The following BCL2L14 variants were observed in gnomAD, a reference collection of about 807,000 sequenced individuals.
BCL2L14 encodes the protein apoptosis facilitator Bcl-2-like protein 14.
A neutral mutation model predicts 35.3 loss-of-function variants in BCL2L14; 27 were observed. The observed-to-expected ratio is 0.76, with a 90% CI of 0.56 to 1.05. BCL2L14 has a LOEUF of 1.05. Among genes scored for constraint, BCL2L14 ranks in the 50% least tolerant of loss-of-function variants. The pLI, the probability that BCL2L14 is intolerant of heterozygous loss-of-function variation, is 0.00. For missense variants in BCL2L14, 377 were observed against 382.6 expected (o/e 0.99, Z 0.12); for synonymous variants, 139 against 145.9 (o/e 0.95, Z 0.34).
At chr12:12,067,232 T>A (rs1948604962), upstream of BCL2L14, among the ~76,000 whole-genome samples, 2 of 152,166 alleles carry the variant, frequency 1.3e-5, no homozygotes, top group South Asian at 4.2e-4. Flanking sequence ...CACTAAAAAA[T>A]TTTATTTACA....
chr12:12,079,871 T>C (rs1948872731), intron 2 of BCL2L14, 133 bp downstream of exon 2: 5 of 920,624 alleles, frequency 5.4e-6, no homozygotes, highest in Admixed American at 2.6e-5. Context: ...TTCCAACTTA[T>C]TAGTGTTCAA....
At chr12:12,075,775 C>A (rs572131524) in intron 1 of BCL2L14, among the ~76,000 whole-genome samples, 6 of 151,898 alleles carry the variant, frequency 4.0e-5, no homozygotes, top group Non-Finnish European at 8.8e-5. Context: ...CTGTCTTCAC[C>A]TTTTTTTGGC....
upstream of BCL2L14, among the ~76,000 whole-genome samples, chr12:12,067,411 C>T (rs753435014): frequency 1.6e-4 from 24 of 151,950 alleles, no homozygotes; most frequent in Admixed American, 7.2e-4. Flanking sequence ...ATGAGCCAGG[C>T]GTGGTGGCAC....
chr12:12,051,143 A>G (rs764318224), intron 1 of BCL2L14, among the ~76,000 whole-genome samples: 1 of 152,204 alleles, frequency 6.6e-6, no homozygotes, highest in Non-Finnish European at 1.5e-5. Flanking sequence ...AGCAGGGTGT[A>G]TAAGAGTGAG....
At chr12:12,061,685 C>T (rs911627314) in intron 2 of BCL2L14, among the ~76,000 whole-genome samples, 6 of 152,148 alleles carry the variant, frequency 3.9e-5, no homozygotes, top group African/African-American at 9.7e-5. Context: ...AGCCTCTCTT[C>T]GCTGTCACCT....
chr12:12,060,085 G>A lies in BCL2L14; in HGVS notation c.-272+8238G>A, dbSNP rs553915106. On this transcript the variant is annotated intron_variant, in intron 2 of 3. Transcript: ENST00000461264. ...GACCCATCTGACCTCTCTCCTCCTC[G>A]CCAGGCCGAGCTAGGTCGCAATTCT... Among the ~76,000 whole-genome samples the A allele has an allele frequency of 6.6e-5, 10 of 150,434 alleles. No homozygotes were observed. In the South Asian group the frequency reaches 8.5e-4, roughly 13 times the overall value.
chr12:12,085,873 G>A (rs887553997), intron 2 of BCL2L14, among the ~76,000 whole-genome samples: 1 of 152,138 alleles, frequency 6.6e-6, no homozygotes, highest in Non-Finnish European at 1.5e-5. Flanking sequence ...CTAGGAGTTT[G>A]AGCACACCAA....
rs967019469 is a variant in BCL2L14 at position 12,071,028 on chromosome 12, A to G, written c.-117A>G. 1 of 152,138 alleles carries G rather than the reference A, an allele frequency of 6.6e-6. No homozygotes were observed. Among genetic ancestry groups the G allele is most frequent in the Non-Finnish European group, 1.5e-5 (1 of 68,024 alleles). The allele number at this position is 152,138 out of a possible 1,614,324, so 9.4% of individuals were successfully genotyped here. Reference sequence around the variant, plus strand: ...TCTTTCCAAACGACAAGCCAAGAAGACCTGTTGAAAGTTTCCTCTTAAGTT... The same window carrying G: ...TCTTTCCAAACGACAAGCCAAGAAGGCCTGTTGAAAGTTTCCTCTTAAGTT... On this transcript the variant is annotated 5_prime_UTR_variant, in exon 1 of 6. Transcript: ENST00000308721.
chr12:12,059,930 T>C (rs971135864), intron 2 of BCL2L14, among the ~76,000 whole-genome samples: 5 of 152,188 alleles, frequency 3.3e-5, no homozygotes, highest in Admixed American at 2.6e-4. Context: ...GGCATTCTTT[T>C]ACACATCCGT....
At chr12:12,083,825 G>A (rs1190978138) in intron 2 of BCL2L14, among the ~76,000 whole-genome samples, 2 of 152,170 alleles carry the variant, frequency 1.3e-5, no homozygotes, top group Admixed American at 6.5e-5. Flanking sequence ...GTGCGCGCCT[G>A]CAGTCTCAGC....
intron 2 of BCL2L14, chr12:12,055,219 C>A (rs568883299): frequency 6.6e-6 from 1 of 152,274 alleles, no homozygotes; most frequent in Non-Finnish European, 1.5e-5. Flanking sequence ...AGTACACATA[C>A]GTGGGAAACC....
At chr12:12,096,351 A>C (rs1026760754) in intron 5 of BCL2L14, among the ~76,000 whole-genome samples, 7 of 151,888 alleles carry the variant, frequency 4.6e-5, no homozygotes, top group African/African-American at 1.5e-4. Flanking sequence ...GTGGTTCTAC[A>C]CCAAAAGCAC....
At chr12:12,088,518 A>G (rs990841729) in intron 3 of BCL2L14, among the ~76,000 whole-genome samples, 2 of 152,208 alleles carry the variant, frequency 1.3e-5, no homozygotes, top group Non-Finnish European at 2.9e-5. Context: ...CACAGCTGCC[A>G]ACATTCACTG....
At chr12:12,062,441 C>T (rs1009389721) in intron 2 of BCL2L14, among the ~76,000 whole-genome samples, 6 of 150,438 alleles carry the variant, frequency 4.0e-5, no homozygotes, top group East Asian at 1.9e-4. Context: ...GCCACTAGCC[C>T]GCCTCTTAGA....
At chr12:12,066,231 C>A (rs148187940), upstream of BCL2L14, among the ~76,000 whole-genome samples, 5 of 152,162 alleles carry the variant, frequency 3.3e-5, no homozygotes, top group South Asian at 2.1e-4. Flanking sequence ...TCCTCTGCTC[C>A]GTTTCCCAAA....
chr12:12,057,351 C>T (rs1002666791), intron 2 of BCL2L14, among the ~76,000 whole-genome samples: 4 of 152,242 alleles, frequency 2.6e-5, no homozygotes, highest in Middle Eastern at 3.4e-3. Context: ...CAGATAATCC[C>T]CAAAGGCTCT....
rs1195473176 is a variant in BCL2L14, at chr12:12,096,025, C to T, written c.945+1095C>T. On this transcript the variant is annotated intron_variant, in intron 5 of 5. Coordinates refer to ENST00000308721, the MANE Select transcript of BCL2L14 (RefSeq NM_138723.2). ...CATTATTTTAGTTCTACCTATTCTT[C>T]TTTCCAGGATTCCTTCACCCCAACA... 3 of 985,190 alleles carry T rather than the reference C, an allele frequency of 3.0e-6. No individual in the cohort carries two copies. In the African/African-American group the frequency reaches 5.2e-5, roughly 17 times the overall value. The allele number at this position is 985,190 out of a possible 1,614,324, so 61.0% of individuals were successfully genotyped here. A position where few individuals can be genotyped will look rare whatever the true frequency, so the allele number is the denominator to read the frequency against.
intron 2 of BCL2L14, among the ~76,000 whole-genome samples, chr12:12,086,336 A>C (rs1170813881): frequency 1.3e-5 from 2 of 152,022 alleles, no homozygotes; most frequent in African/African-American, 4.8e-5. Context: ...TAAATAAACA[A>C]ATAAAAGGTT....
intron 3 of BCL2L14, 30 bp from the exon 4 acceptor site, chr12:12,090,749 A>T: frequency 6.3e-7 from 1 of 1,590,226 alleles, no homozygotes; most frequent in Non-Finnish European, 8.6e-7. Context: ...TGCTTCTCTT[A>T]AAAGAAATAA....
Sources: allele counts gnomAD v4.1 joint callset (sites outside exome capture counted in the v4.1 genomes callset), GRCh38; gene constraint gnomAD v4.1.1; transcripts MANE v1.5; gene names NCBI Gene and HGNC (gene_info 2026-07-23, HGNC 2026-07-21).